The following MIB1 variants were observed in gnomAD, a reference collection of about 807,000 sequenced individuals.
The protein encoded by MIB1 is E3 ubiquitin-protein ligase MIB1.
In MIB1, 278 loss-of-function variants were observed where a neutral mutation model predicts 124.5. The observed-to-expected ratio is 2.23, with a 90% CI of 2.02 to 2.47. The LOEUF is 2.47. Ranked by LOEUF, MIB1 falls within the 30% of genes most tolerant of loss-of-function variation. The pLI is 0.00. For synonymous variants in MIB1, 446 were observed against 429.4 expected (o/e 1.04, Z -0.48); for missense variants, 957 against 1,254.4 (o/e 0.76, Z 3.58).
upstream of MIB1, among the ~76,000 whole-genome samples, chr18:21,740,314 T>A (rs1449811455): frequency 1.3e-5 from 2 of 152,214 alleles, no homozygotes; most frequent in African/African-American, 4.8e-5. Flanking sequence ...TAATTCTGCA[T>A]AAAGTCAAGA....
At chr18:21,782,598 T>C (rs1388603554) in intron 6 of MIB1, among the ~76,000 whole-genome samples, 1 of 152,204 alleles carries the variant, frequency 6.6e-6, no homozygotes, top group Admixed American at 6.5e-5. Context: ...GTTTAATTTC[T>C]TTCTAGTGTT....
intron 12 of MIB1, among the ~76,000 whole-genome samples, chr18:21,824,691 A>G (rs2041909198): frequency 6.6e-6 from 1 of 152,088 alleles, no homozygotes; most frequent in Non-Finnish European, 1.5e-5. Context: ...AGTCTTTTAG[A>G]GAATGATGTT....
intron 1 of MIB1, among the ~76,000 whole-genome samples, chr18:21,755,111 G>A (rs2041016538): frequency 6.6e-6 from 1 of 151,954 alleles, no homozygotes; most frequent in Admixed American, 6.6e-5. Context: ...GGTGTATTAT[G>A]TGGTTTGTCT....
chr18:21,851,736 C>CA (rs1192031991), intron 17 of MIB1, among the ~76,000 whole-genome samples: 2 of 152,194 alleles, frequency 1.3e-5, no homozygotes, highest in African/African-American at 4.8e-5. Context: ...ACTCTCTAAA[C>CA]ACTGCTGGAG....
chr18:21,843,249 T>A (rs1181627262), intron 14 of MIB1, 32 bp downstream of exon 14: 4 of 1,468,768 alleles, frequency 2.7e-6, no homozygotes, highest in Non-Finnish European at 3.7e-6. Flanking sequence ...TAGCTTATAA[T>A]TACATTTTAA....
intron 10 of MIB1, among the ~76,000 whole-genome samples, chr18:21,811,505 G>C (rs887026006): frequency 6.6e-6 from 1 of 152,142 alleles, no homozygotes; most frequent in African/African-American, 2.4e-5. Flanking sequence ...GCAAAATGTG[G>C]TATGTGCTTA....
intron 1 of MIB1, among the ~76,000 whole-genome samples, chr18:21,746,780 G>A (rs1184766478): frequency 2.0e-5 from 3 of 152,102 alleles, no homozygotes; most frequent in African/African-American, 7.2e-5. Context: ...CCAGCTTCTG[G>A]TCATAGTTCA....
intron 14 of MIB1, among the ~76,000 whole-genome samples, 176 bp from the exon 15 acceptor site, chr18:21,843,916 A>T (rs1211458166): frequency 6.6e-6 from 1 of 152,136 alleles, no homozygotes; most frequent in African/African-American, 2.4e-5. Flanking sequence ...AGAACACGTG[A>T]CTCTTTGTAA....
intron 1 of MIB1, among the ~76,000 whole-genome samples, chr18:21,754,651 G>A (rs1199482673): frequency 1.3e-5 from 2 of 152,112 alleles, no homozygotes; most frequent in East Asian, 3.9e-4. Context: ...CAGGGAAAGA[G>A]GAAAAAATCC....
chr18:21,835,849 G>T (rs752584574), intron 12 of MIB1, among the ~76,000 whole-genome samples: 377 of 24,390 alleles, frequency 0.015, 1 homozygote, highest in Middle Eastern at 0.036. Context: ...AAACACACAC[G>T]AGGAGTATTG....
intron 6 of MIB1, among the ~76,000 whole-genome samples, chr18:21,788,055 A>G (rs1475841055): frequency 3.9e-5 from 6 of 152,086 alleles, no homozygotes; most frequent in Non-Finnish European, 7.4e-5. Context: ...ATATATGCAT[A>G]TACTCTTCAT....
At chr18:21,758,487 CA>C (rs779770565) in intron 1 of MIB1, among the ~76,000 whole-genome samples, 19 of 152,036 alleles carry the variant, frequency 1.2e-4, no homozygotes, top group Non-Finnish European at 2.8e-4. Context: ...TGAATGACAT[CA>C]ACAGTTATGC....
rs2146407107 is a variant in MIB1 at position 21,766,046 on chromosome 18, T to C, written c.401+103T>C. The stretch of plus-strand genomic sequence containing the variant: ...GGATTAGCAAATAGCTTCTGACAGT[T>C]GGTTTACTAACAGGAGGTACCCAAT... On this transcript the variant is annotated intron_variant, in intron 2 of 20. Transcript: ENST00000261537. The C allele has an allele frequency of 2.7e-6, 3 of 1,121,162 alleles. No homozygotes were observed. In the East Asian group the frequency reaches 7.2e-5, roughly 27 times the overall value. 69.5% of individuals were successfully genotyped at this position (1,121,162 alleles called of 1,614,324 possible). A position where few individuals can be genotyped will look rare whatever the true frequency, so the allele number is the denominator to read the frequency against.
chr18:21,815,814 G>A lies in MIB1; in HGVS notation c.1677+1G>A. On this transcript the variant is annotated splice_donor_variant, in intron 11 of 20. Coordinates refer to ENST00000261537, the MANE Select transcript of MIB1 (RefSeq NM_020774.4). LOFTEE classifies it high-confidence loss of function. ...CTTTGGCTGTCATCCCAGTCTCCAG[G>A]TAAAACCTTTAAAGAAACACATCCT... 3.1e-6 allele frequency: 5 copies of A among 1,613,778 alleles called. No individual in the cohort carries two copies. Among genetic ancestry groups the A allele is most frequent in the East Asian group, 2.2e-5 (1 of 44,868 alleles).
intron 1 of MIB1, among the ~76,000 whole-genome samples, chr18:21,762,672 T>G (rs1332058782): frequency 6.6e-6 from 1 of 152,168 alleles, no homozygotes; most frequent in African/African-American, 2.4e-5. Context: ...GTATGCCACT[T>G]TAAACTAAAA....
intron 12 of MIB1, 105 bp downstream of exon 12, chr18:21,819,751 T>A: frequency 2.7e-6 from 2 of 731,430 alleles, no homozygotes; most frequent in Non-Finnish European, 4.0e-6. Flanking sequence ...ATTTTAGTAT[T>A]TTAAATCATT....
Position 21,847,120 on chromosome 18 carries a change from AG to A in MIB1, c.2389del (p.Val797SerfsTer12). 1 of 1,613,824 alleles carries A rather than the reference AG, an allele frequency of 6.2e-7. No homozygotes were observed. Among genetic ancestry groups the A allele is most frequent in the Non-Finnish European group, 8.5e-7 (1 of 1,179,792 alleles). ...KALAKCHKEK[V>X]SGQVGSRSPS... The stretch of plus-strand genomic sequence containing the variant: ...CACTGGCAAAGTGTCATAAGGAAAA[AG>A]TCAGGTTTGTATTATTTATTATCAT... On this transcript the variant is annotated frameshift_variant, in exon 16 of 21. Coordinates refer to ENST00000261537, the MANE Select transcript of MIB1 (RefSeq NM_020774.4). LOFTEE classifies it high-confidence loss of function.
chr18:21,826,731 A>T (rs149757314), intron 12 of MIB1: 1 of 152,246 alleles, frequency 6.6e-6, no homozygotes, highest in African/African-American at 2.4e-5. Context: ...TTGCCTATAA[A>T]GTTAAGTGCT....
chr18:21,740,389 C>T (rs2040831269), upstream of MIB1, among the ~76,000 whole-genome samples: 1 of 152,040 alleles, frequency 6.6e-6, no homozygotes, highest in South Asian at 2.1e-4. Context: ...AGCTTAAAAA[C>T]ACACTACTAA....
Sources: allele counts gnomAD v4.1 joint callset (sites outside exome capture counted in the v4.1 genomes callset), GRCh38; gene constraint gnomAD v4.1.1; transcripts MANE v1.5; gene names NCBI Gene and HGNC (gene_info 2026-07-23, HGNC 2026-07-21).